The following PRKG1 variants were observed in gnomAD, a reference collection of about 807,000 sequenced individuals.
PRKG1 encodes cGMP-dependent protein kinase 1.
A neutral mutation model predicts 88.1 loss-of-function variants in PRKG1; 35 were observed. The ratio of observed to expected loss-of-function variants is 0.40; its 90% CI spans 0.30 to 0.53. The LOEUF (loss-of-function observed/expected upper bound fraction) is 0.53. Among genes scored for constraint, PRKG1 ranks in the 20% least tolerant of loss-of-function variants. The probability of loss-of-function intolerance (pLI) is 0.59; values close to 1 mark genes in which losing one functional copy is unlikely to be tolerated. For missense variants in PRKG1, 540 were observed against 839.8 expected (o/e 0.64, Z 4.41); for synonymous variants, 303 against 292.5 (o/e 1.04, Z -0.37).
chr10:51,963,609 G>A (rs992828851), intron 5 of PRKG1, among the ~76,000 whole-genome samples: 8 of 151,624 alleles, frequency 5.3e-5, no homozygotes, highest in Middle Eastern at 3.2e-3. Flanking sequence ...CACCATGCCC[G>A]GCTAATTTTT....
At chr10:51,041,751 GAA>G (rs1843426916) in intron 1 of PRKG1, among the ~76,000 whole-genome samples, 1 of 152,184 alleles carries the variant, frequency 6.6e-6, no homozygotes, top group South Asian at 2.1e-4. Flanking sequence ...TTTTATGGAG[GAA>G]ATCAGAATGT....
At chr10:51,951,969 C>T (rs796876099) in intron 5 of PRKG1, among the ~76,000 whole-genome samples, 11 of 152,236 alleles carry the variant, frequency 7.2e-5, no homozygotes, top group African/African-American at 2.6e-4. Context: ...TTTCAGTGTT[C>T]ATAAAGGTGT....
rs752505020 is a variant in PRKG1 at position 51,011,564 on chromosome 10, G to A, written c.266+19920G>A. On this transcript the variant is annotated intron_variant, in intron 1 of 17. Coordinates refer to the PRKG1 transcript ENST00000401604. ...CTATAAGTAATTTATGAATCAACCAGGAGAAATGGCTGCCAAAAATTATTT... is the reference window on the plus strand; with the variant it reads ...CTATAAGTAATTTATGAATCAACCAAGAGAAATGGCTGCCAAAAATTATTT... 2.6e-5 allele frequency among the ~76,000 whole-genome samples: 4 copies of A among 152,136 alleles called. 1 individual carries two copies. Among genetic ancestry groups the A allele is most frequent in the Non-Finnish European group, 5.9e-5 (4 of 68,030 alleles).
chr10:51,999,324 CT>C (rs1467512728), intron 5 of PRKG1, among the ~76,000 whole-genome samples: 9 of 152,184 alleles, frequency 5.9e-5, no homozygotes, highest in African/African-American at 2.2e-4. Context: ...GGGATGCCAT[CT>C]GTTAAGTGAC....
chr10:52,001,575 A>AT (rs978692716), intron 5 of PRKG1, among the ~76,000 whole-genome samples: 3 of 151,568 alleles, frequency 2.0e-5, no homozygotes, highest in Non-Finnish European at 3.0e-5. Context: ...TCCTTCAGTC[A>AT]TTTTTTTTCC....
At chr10:51,697,971 C>G (rs760916445) in intron 3 of PRKG1, 18 of 1,604,232 alleles carry the variant, frequency 1.1e-5, no homozygotes, top group Non-Finnish European at 1.5e-5. Flanking sequence ...CCCTGCATCC[C>G]TCCTCCTTGT....
chr10:51,471,428 CCTTA>C (rs1287036367), intron 3 of PRKG1, among the ~76,000 whole-genome samples: 6 of 151,752 alleles, frequency 4.0e-5, no homozygotes, highest in African/African-American at 1.5e-4. Context: ...TTTGAATACC[CCTTA>C]CTTACTCAGT....
intron 3 of PRKG1, among the ~76,000 whole-genome samples, chr10:51,643,503 T>C (rs1313932164): frequency 6.6e-6 from 1 of 152,206 alleles, no homozygotes; most frequent in East Asian, 1.9e-4. Context: ...ATAAAGCTCT[T>C]ATACATTGGC....
chr10:52,048,675 C>T (rs1383620584), intron 5 of PRKG1, among the ~76,000 whole-genome samples: 2 of 152,054 alleles, frequency 1.3e-5, no homozygotes, highest in Non-Finnish European at 2.9e-5. Context: ...CTAGAAAAGC[C>T]ATACCTTATA....
At chr10:52,036,583 G>A (rs1467807766) in intron 5 of PRKG1, among the ~76,000 whole-genome samples, 1 of 151,500 alleles carries the variant, frequency 6.6e-6, no homozygotes, top group African/African-American at 2.4e-5. Context: ...TCGCCAAGGA[G>A]GGAGTAGAGG....
chr10:51,916,702 A>T (rs1589419227), intron 5 of PRKG1, among the ~76,000 whole-genome samples: 1 of 152,348 alleles, frequency 6.6e-6, no homozygotes, highest in East Asian at 1.9e-4. Flanking sequence ...ACACATGTCT[A>T]TACAAAAACT....
chr10:52,067,472 C>T (rs912129376), intron 7 of PRKG1, among the ~76,000 whole-genome samples: 2 of 152,004 alleles, frequency 1.3e-5, no homozygotes, highest in Non-Finnish European at 2.9e-5. Flanking sequence ...ATGGCATTGC[C>T]GAAATGTAAA....
chr10:52,150,633 C>A (rs904390990), intron 8 of PRKG1, among the ~76,000 whole-genome samples: 1 of 151,980 alleles, frequency 6.6e-6, no homozygotes, highest in African/African-American at 2.4e-5. Context: ...GTAATGAGAG[C>A]AGAAATAAAA....
intron 1 of PRKG1, among the ~76,000 whole-genome samples, chr10:51,024,263 GT>G (rs965533262): frequency 3.3e-5 from 5 of 151,796 alleles, no homozygotes; most frequent in Non-Finnish European, 5.9e-5. Flanking sequence ...AATCACTACG[GT>G]TTTTTTTACT....
intron 4 of PRKG1, among the ~76,000 whole-genome samples, chr10:51,829,667 C>G (rs185028036): frequency 1.3e-5 from 2 of 152,156 alleles, no homozygotes; most frequent in Admixed American, 6.5e-5. Context: ...TCTAAATACA[C>G]GTGAACACAC....
intron 5 of PRKG1, among the ~76,000 whole-genome samples, chr10:51,977,135 A>G (rs143380680): frequency 1.6e-3 from 239 of 151,990 alleles, no homozygotes; most frequent in African/African-American, 5.5e-3. Flanking sequence ...CAACTCTCCA[A>G]TAGGCCCAAG....
intron 2 of PRKG1, among the ~76,000 whole-genome samples, chr10:51,156,038 A>C (rs574646763): frequency 5.0e-4 from 76 of 151,984 alleles, no homozygotes; most frequent in African/African-American, 1.7e-3. Context: ...TTTAATTTTC[A>C]AATAAAGACA....
chr10:51,236,505 G>A (rs1362544777), intron 2 of PRKG1, among the ~76,000 whole-genome samples: 2 of 149,156 alleles, frequency 1.3e-5, no homozygotes, highest in African/African-American at 5.0e-5. Context: ...AATAAACCAG[G>A]TTCTTTTTTT....
At chr10:51,762,545 C>G (rs1838046498) in intron 3 of PRKG1, among the ~76,000 whole-genome samples, 1 of 152,054 alleles carries the variant, frequency 6.6e-6, no homozygotes, top group Non-Finnish European at 1.5e-5. Flanking sequence ...ATGCAAAATG[C>G]CCTCATATAG....
Sources: allele counts gnomAD v4.1 joint callset (sites outside exome capture counted in the v4.1 genomes callset), GRCh38; gene constraint gnomAD v4.1.1; transcripts MANE v1.5; gene names NCBI Gene and HGNC (gene_info 2026-07-23, HGNC 2026-07-21).